The following WFDC11 variants were observed in gnomAD, a reference collection of about 807,000 sequenced individuals.
WFDC11 encodes protein WFDC11.
Under a neutral mutation model 9.9 loss-of-function variants are expected in WFDC11, and 9 were observed. That is an observed-to-expected ratio of 0.91 (90% confidence interval 0.55 to 1.58). The LOEUF (loss-of-function observed/expected upper bound fraction) is 1.58. WFDC11 is among the 40% of genes most tolerant of loss of function. WFDC11 has a pLI of 0.00. For missense variants in WFDC11, 106 were observed against 101.7 expected (o/e 1.04, Z -0.18); for synonymous variants, 32 against 33.3 (o/e 0.96, Z 0.13).
intron 2 of WFDC11, among the ~76,000 whole-genome samples, chr20:45,664,446 T>A (rs1337240727): frequency 6.6e-6 from 1 of 152,226 alleles, no homozygotes. Context: ...TGTGTGTGAA[T>A]TTGATCCTGT....
intron 2 of WFDC11, among the ~76,000 whole-genome samples, chr20:45,651,128 C>T (rs529669054): frequency 1.3e-5 from 2 of 152,262 alleles, no homozygotes; most frequent in Admixed American, 6.5e-5. Flanking sequence ...CATGAGTTCT[C>T]ATCATTTAGC....
Position 45,649,362 on chromosome 20 carries a change from T to G in WFDC11, c.138A>C (p.Pro46=). 6.2e-7 allele frequency: 1 copy of G among 1,614,196 alleles called. No homozygotes were observed. Among genetic ancestry groups the G allele is most frequent in the Non-Finnish European group, 8.5e-7 (1 of 1,180,036 alleles). ...ACTTATTGGTACATTCTTTGACATT[T>G]GGCTTTCCCCAGCATTCTTCAAGTA... ...ELLLEECWGK[P]NVKECTNKCS... Residue 46 remains proline, a synonymous_variant, in exon 4 of 5, where the codon CCA becomes CCC. Transcript: ENST00000324384.
At chr20:45,655,168 G>A (rs983723479) in intron 2 of WFDC11, among the ~76,000 whole-genome samples, 1 of 152,050 alleles carries the variant, frequency 6.6e-6, no homozygotes, top group Non-Finnish European at 1.5e-5. Flanking sequence ...ATGAACATTG[G>A]TGCAGAAATC....
At chr20:45,659,413 G>A (rs540108410) in intron 2 of WFDC11, among the ~76,000 whole-genome samples, 60 of 152,262 alleles carry the variant, frequency 3.9e-4, no homozygotes, top group Non-Finnish European at 6.3e-4. Flanking sequence ...TCTAACTGGC[G>A]TGAGATGGTA....
At chr20:45,657,723 C>T (rs1185239584) in intron 2 of WFDC11, among the ~76,000 whole-genome samples, 2 of 152,124 alleles carry the variant, frequency 1.3e-5, no homozygotes, top group Non-Finnish European at 2.9e-5. Context: ...TAATTTTTCT[C>T]TTTAATGTTT....
At chr20:45,662,855 C>T (rs1345348645) in intron 2 of WFDC11, among the ~76,000 whole-genome samples, 3 of 152,202 alleles carry the variant, frequency 2.0e-5, no homozygotes, top group Non-Finnish European at 2.9e-5. Context: ...CAGCAATGTT[C>T]ATCAGGGATA....
intron 3 of WFDC11, 55 bp from the exon 4 acceptor site, chr20:45,649,454 A>C (rs1038660126): frequency 1.3e-6 from 2 of 1,591,252 alleles, no homozygotes; most frequent in Middle Eastern, 1.7e-4. Flanking sequence ...CCAAGAGCGG[A>C]AAGAAAGGCC....
chr20:45,657,900 G>A (rs1982970967), intron 2 of WFDC11, among the ~76,000 whole-genome samples: 1 of 152,036 alleles, frequency 6.6e-6, no homozygotes, highest in African/African-American at 2.4e-5. Flanking sequence ...AAAGCACATA[G>A]AACATAGTGA....
chr20:45,648,887 G>T, intron 4 of WFDC11, 148 bp from the exon 5 acceptor site: 2 of 897,178 alleles, frequency 2.2e-6, no homozygotes, highest in Non-Finnish European at 3.4e-6. Context: ...TTCTGAGTAG[G>T]TGAGGTATTG....
chr20:45,660,930 C>T (rs1983046654), intron 2 of WFDC11, among the ~76,000 whole-genome samples: 1 of 152,072 alleles, frequency 6.6e-6, no homozygotes, highest in Non-Finnish European at 1.5e-5. Context: ...GGGTATATAC[C>T]CAGTAATGGG....
At chr20:45,660,591 G>C (rs557330848) in intron 2 of WFDC11, among the ~76,000 whole-genome samples, 1 of 152,126 alleles carries the variant, frequency 6.6e-6, no homozygotes, top group East Asian at 1.9e-4. Flanking sequence ...ACAGTCCCCA[G>C]AGTGTGATGT....
At chr20:45,660,749 C>T (rs950755374) in intron 2 of WFDC11, among the ~76,000 whole-genome samples, 5 of 152,084 alleles carry the variant, frequency 3.3e-5, no homozygotes, top group Admixed American at 6.6e-5. Flanking sequence ...CATGAACTCA[C>T]CATTTTTTAT....
intron 2 of WFDC11, among the ~76,000 whole-genome samples, chr20:45,662,337 C>T (rs921576292): frequency 2.0e-5 from 3 of 152,182 alleles, no homozygotes; most frequent in Non-Finnish European, 4.4e-5. Context: ...ATGGGGTTTT[C>T]TAGATATGCA....
intron 2 of WFDC11, among the ~76,000 whole-genome samples, chr20:45,654,858 T>A (rs2145617601): frequency 6.6e-6 from 1 of 152,316 alleles, no homozygotes; most frequent in African/African-American, 2.4e-5. Context: ...CCTTGACACC[T>A]ACACCCTCCC....
intron 1 of WFDC11, among the ~76,000 whole-genome samples, chr20:45,668,649 A>G (rs1355657360): frequency 6.6e-6 from 1 of 152,200 alleles, no homozygotes; most frequent in African/African-American, 2.4e-5. Context: ...TTGTGCATAT[A>G]TTCTAGTAGA....
At chr20:45,664,662 T>C (rs553290194) in intron 2 of WFDC11, among the ~76,000 whole-genome samples, 2 of 152,336 alleles carry the variant, frequency 1.3e-5, no homozygotes, top group South Asian at 4.1e-4. Context: ...ATTTTATTTC[T>C]CCTTCACTTA....
rs968803482 is a variant in WFDC11, at chr20:45,653,440, A to C, written c.-51-2789T>G. Among the ~76,000 whole-genome samples the C allele has an allele frequency of 1.3e-5, 2 of 152,182 alleles. 1 individual carries two copies. The highest frequency in any genetic ancestry group is 4.1e-4 in the South Asian group (2 of 4,822). On this transcript the variant is annotated intron_variant, in intron 2 of 4. Coordinates refer to ENST00000324384, the MANE Select transcript of WFDC11 (RefSeq NM_147197.2). ...AGAGCTCCTGAAGGAAGCACTAAAC[A>C]TGGAAAGGAACAATTGGTACCAGCC...
intron 2 of WFDC11, among the ~76,000 whole-genome samples, chr20:45,661,126 G>C (rs1273859027): frequency 6.6e-6 from 1 of 152,150 alleles, no homozygotes; most frequent in Non-Finnish European, 1.5e-5. Context: ...GTGTGAGATG[G>C]TATCCCATTG....
intron 2 of WFDC11, among the ~76,000 whole-genome samples, chr20:45,651,398 G>T (rs1382501109): frequency 6.6e-6 from 1 of 152,062 alleles, no homozygotes; most frequent in South Asian, 2.1e-4. Flanking sequence ...TTGTTTGTTT[G>T]TTTGTTTTTG....
Sources: allele counts gnomAD v4.1 joint callset (sites outside exome capture counted in the v4.1 genomes callset), GRCh38; gene constraint gnomAD v4.1.1; transcripts MANE v1.5; gene names NCBI Gene and HGNC (gene_info 2026-07-23, HGNC 2026-07-21).